Variants in LPIN1 observed in about 807,000 individuals in gnomAD.
LPIN1 encodes phosphatidate phosphatase LPIN1.
In LPIN1, 71 loss-of-function variants were observed where a neutral mutation model predicts 107.5. That is an observed-to-expected ratio of 0.66 (90% CI 0.55 to 0.80). The LOEUF (loss-of-function observed/expected upper bound fraction) is 0.80, where lower values mean the gene tolerates loss of function less well. LPIN1 is among the 30% of genes least tolerant of loss of function. The pLI, the probability that LPIN1 is intolerant of heterozygous loss-of-function variation, is 0.00. For synonymous variants in LPIN1, 445 were observed against 452.6 expected, an observed-to-expected ratio of 0.98 and a Z score of 0.21; for missense variants, 1,043 against 1,160.6, an observed-to-expected ratio of 0.90 and a Z score of 1.47.
chr2:11,695,550 G>C (rs1014749573), intron 1 of LPIN1, among the ~76,000 whole-genome samples: 11 of 152,180 alleles, frequency 7.2e-5, no homozygotes, highest in Non-Finnish European at 1.3e-4. Flanking sequence ...TGAGGGGGAG[G>C]GGAGGAGCAG....
chr2:11,767,542 C>A (rs1378598430), intron 2 of LPIN1: 1 of 586,684 alleles, frequency 1.7e-6, no homozygotes, highest in Admixed American at 2.9e-5. Flanking sequence ...GTTTTGGGTT[C>A]CATCTTTCCT....
Position 11,707,711 on chromosome 2 carries a change from G to T in LPIN1, c.82-6045G>T, listed in dbSNP as rs10206665. Among the ~76,000 whole-genome samples, 23,369 of 152,060 alleles carry T rather than the reference G, an allele frequency of 0.15. 1,988 individuals carry two copies. The highest frequency in any genetic ancestry group is 0.3 in the East Asian group (1,532 of 5,142). ...CTGCAGGATTTGCTTGTGACTGGAT[G>T]TGGCTTGGGAGGGGAGAAAGGGAGT... On this transcript the variant is annotated intron_variant, in intron 1 of 21. Coordinates refer to the LPIN1 transcript ENST00000449576. The surrounding 1 kb of genome is among the most constrained non-coding windows in gnomAD (Gnocchi z 4.2).
intron 12 of LPIN1, among the ~76,000 whole-genome samples, chr2:11,790,432 A>G (rs1229796744): frequency 6.6e-6 from 1 of 152,228 alleles, no homozygotes; most frequent in African/African-American, 2.4e-5. Flanking sequence ...GCTCTCTCAT[A>G]GTTCAAGACT....
intron 18 of LPIN1, 39 bp downstream of exon 18, chr2:11,815,279 G>T: frequency 6.2e-7 from 1 of 1,611,998 alleles, no homozygotes; most frequent in Non-Finnish European, 8.5e-7. Context: ...CTGTGAGCCT[G>T]TTCAGACCCG....
intron 1 of LPIN1, among the ~76,000 whole-genome samples, chr2:11,695,525 G>A (rs1242103101): frequency 6.6e-6 from 1 of 152,158 alleles, no homozygotes; most frequent in African/African-American, 2.4e-5. Context: ...GGCATCTAGA[G>A]ATGCAGTCAG....
chr2:11,788,129 G>A (rs1190603383), intron 11 of LPIN1, among the ~76,000 whole-genome samples: 2 of 152,102 alleles, frequency 1.3e-5, no homozygotes, highest in African/African-American at 4.8e-5. Flanking sequence ...TGTACGGTGG[G>A]ATTTGGGCTG....
chr2:11,795,670 C>G (rs1676582167), intron 14 of LPIN1, among the ~76,000 whole-genome samples, 183 bp downstream of exon 14: 1 of 152,182 alleles, frequency 6.6e-6, no homozygotes, highest in Non-Finnish European at 1.5e-5. Context: ...TGCAGTTGCT[C>G]CCTTAGATAG....
At chr2:11,810,451 C>T (rs1160352402) in intron 17 of LPIN1, among the ~76,000 whole-genome samples, 4 of 152,042 alleles carry the variant, frequency 2.6e-5, no homozygotes, top group East Asian at 3.9e-4. Flanking sequence ...CCGGTGCAGA[C>T]GGTGGGGTGG....
In LPIN1 at chr2:11,795,439, A is replaced by G; in HGVS notation, c.1838A>G (p.Lys613Arg). ...AAGCCAGAGCAGTGCTTGGCTGGCA[A>G]GGCCCATAGCACCGGAGAGCAACCG... ...ESKPEQCLAG[K>R]AHSTGEQPPQ... is the part of the protein sequence containing the mutation. Residue 613 changes from lysine to arginine, a missense_variant, in exon 14 of 21, where the codon AAG becomes AGG. Transcript: ENST00000674199. The G allele has an allele frequency of 6.2e-7, 1 of 1,614,100 alleles. No homozygotes were observed. Among genetic ancestry groups the G allele is most frequent in the South Asian group, 1.1e-5 (1 of 91,082 alleles).
Position 11,779,603 on chromosome 2 carries a change from A to T in LPIN1, c.915A>T (p.Pro305=). ...KSTERTGQKN[P]EMLWLWGELP... is the part of the protein sequence containing the mutation. ...CGGAAAGGACAGGGCAGAAGAACCC[A>T]GAAATGCTTTGGCTGTGGGGAGAGC... The change falls in exon 7 of 21, where the codon CCA becomes CCT. Residue 305 remains proline (P), a synonymous_variant. Coordinates refer to ENST00000674199, the MANE Select transcript of LPIN1 (RefSeq NM_001349206.2). The T allele has an allele frequency of 6.2e-7, 1 of 1,614,210 alleles. No individual in the cohort carries two copies. Among genetic ancestry groups the T allele is most frequent in the Non-Finnish European group, 8.5e-7 (1 of 1,180,038 alleles).
At chr2:11,813,351 G>A (rs1280690921) in intron 17 of LPIN1, among the ~76,000 whole-genome samples, 6 of 151,954 alleles carry the variant, frequency 3.9e-5, no homozygotes, top group Non-Finnish European at 7.4e-5. Flanking sequence ...ATATGAAAAC[G>A]ATTAATGAAA....
At chr2:11,693,822 A>ATATATATAT (rs1572328548) in intron 1 of LPIN1, among the ~76,000 whole-genome samples, 1 of 18,986 alleles carries the variant, frequency 5.3e-5, no homozygotes, top group Non-Finnish European at 1.0e-4. Context: ...ATATATATAT[A>ATATATATAT]TTTTTTTTTT....
chr2:11,711,653 T>C (rs1308472363), intron 1 of LPIN1, among the ~76,000 whole-genome samples: 2 of 152,222 alleles, frequency 1.3e-5, no homozygotes, highest in Non-Finnish European at 2.9e-5. Context: ...CCAATCCAAG[T>C]TGCATATCAT....
intron 1 of LPIN1, among the ~76,000 whole-genome samples, chr2:11,755,761 G>A (rs574357308): frequency 3.4e-4 from 50 of 149,088 alleles, no homozygotes; most frequent in African/African-American, 1.2e-3. Flanking sequence ...TCGCTCTGTC[G>A]CCCAAGCTGG....
At chr2:11,712,584 A>G (rs1417851697) in intron 1 of LPIN1, among the ~76,000 whole-genome samples, 1 of 152,234 alleles carries the variant, frequency 6.6e-6, no homozygotes, top group Non-Finnish European at 1.5e-5. Context: ...ATGTAAAGCA[A>G]CACCATTAAC....
chr2:11,699,624 G>C (rs534557511), intron 1 of LPIN1, among the ~76,000 whole-genome samples: 1 of 152,092 alleles, frequency 6.6e-6, no homozygotes, highest in Non-Finnish European at 1.5e-5. Flanking sequence ...CTTGGGTATC[G>C]GTTGACTGTG....
At chr2:11,677,808 G>A (rs1661508255) in intron 1 of LPIN1, 7 of 1,219,298 alleles carry the variant, frequency 5.7e-6, no homozygotes, top group Non-Finnish European at 8.1e-6. Context: ...GCGTACTGAT[G>A]GGACCCGGGG....
In LPIN1 at chr2:11,763,677, A is replaced by C. The variant is rs373620575; in HGVS notation, c.-9-1856A>C. Among the ~76,000 whole-genome samples the C allele has an allele frequency of 3.9e-5, 6 of 152,186 alleles. No homozygotes were observed. In the East Asian group the frequency reaches 1.2e-3, roughly 30 times the overall value. On this transcript the variant is annotated intron_variant, in intron 1 of 20. Coordinates refer to ENST00000674199, the MANE Select transcript of LPIN1 (RefSeq NM_001349206.2). Reference sequence around the variant, plus strand: ...TTGTTCCAGAATCCGATGGCTTCACACAGCAGAGCCCGCATCTCCTGGCAC... The same window carrying C: ...TTGTTCCAGAATCCGATGGCTTCACCCAGCAGAGCCCGCATCTCCTGGCAC...
chr2:11,733,345 G>T (rs1665443639), intron 1 of LPIN1, among the ~76,000 whole-genome samples: 1 of 152,166 alleles, frequency 6.6e-6, no homozygotes, highest in South Asian at 2.1e-4. Flanking sequence ...TCTGGTTTTA[G>T]TGTGGCAATA....
Sources: gnomAD v4.1 joint callset for allele counts (sites outside exome capture counted in the v4.1 genomes callset) on GRCh38, gnomAD v4.1.1 for gene constraint, Gnocchi (gnomAD v3.1) non-coding constraint, MANE v1.5 for transcripts, NCBI Gene and HGNC (gene_info 2026-07-23, HGNC 2026-07-21) for gene names.